DNER: variants seen among roughly 807,000 people sequenced by gnomAD.
DNER encodes delta and Notch-like epidermal growth factor-related receptor.
Under a neutral mutation model 78.2 loss-of-function variants are expected in DNER, and 33 were observed. That is an observed-to-expected ratio of 0.42 (90% CI 0.32 to 0.56). The LOEUF is 0.56. DNER is among the 20% of genes least tolerant of loss of function. The pLI, the probability that DNER is intolerant of heterozygous loss-of-function variation, is 0.11. For synonymous variants in DNER, 417 were observed against 384.8 expected (o/e 1.08, Z -0.98); for missense variants, 918 against 975.3 (o/e 0.94, Z 0.78).
chr2:229,684,600 G>C (rs991212889), intron 1 of DNER, among the ~76,000 whole-genome samples: 1 of 152,032 alleles, frequency 6.6e-6, no homozygotes, highest in South Asian at 2.1e-4. Flanking sequence ...ACCTCAAACT[G>C]AGCTCCTGTC....
chr2:229,406,099 C>T (rs137872394), intron 10 of DNER, among the ~76,000 whole-genome samples: 2 of 152,320 alleles, frequency 1.3e-5, no homozygotes, highest in East Asian at 1.9e-4. Flanking sequence ...TACACTTCGG[C>T]TTTTGTCACC....
chr2:229,384,905 T>C (rs1692828421), intron 11 of DNER, among the ~76,000 whole-genome samples: 1 of 152,048 alleles, frequency 6.6e-6, no homozygotes, highest in African/African-American at 2.4e-5. Flanking sequence ...TCCCAACTCA[T>C]TTCATGAGGC....
intron 4 of DNER, among the ~76,000 whole-genome samples, chr2:229,563,760 CTCACCCCATCTCCATCATCATCAACATCA>C (rs1697027029): frequency 5.3e-5 from 7 of 130,908 alleles, no homozygotes; most frequent in Non-Finnish European, 8.2e-5. Context: ...CATCATCCTC[CTCACCCCATCTCCATCATCATCAACATCA>C]TCACCCCATC....
intron 1 of DNER, among the ~76,000 whole-genome samples, chr2:229,635,379 A>AC (rs1200376812): frequency 4.0e-5 from 6 of 148,408 alleles, no homozygotes; most frequent in Admixed American, 6.7e-5. Context: ...AAAAAAAAAA[A>AC]AAAAAACTCC....
intron 1 of DNER, among the ~76,000 whole-genome samples, chr2:229,672,484 A>T (rs1699226498): frequency 6.6e-6 from 1 of 151,112 alleles, no homozygotes; most frequent in Non-Finnish European, 1.5e-5. Flanking sequence ...GGAGAGGGGA[A>T]AGGAGGGATG....
At position 229,367,011 on chromosome 2, in the gene DNER, A is replaced by C. The variant is rs776566467; in HGVS notation, c.1964T>G (p.Ile655Ser). ...GCGGCAAATCCCCACGATCAGGATG[A>C]TCAGCATAAGGATGAAGGCCACGCA... ...ALCVAFILML[I>S]ILIVGICRIS... is the part of the protein sequence containing the mutation. Residue 655 changes from isoleucine to serine, a missense_variant, in exon 12 of 13, where the codon ATC (isoleucine) becomes AGC (serine). Ile to Ser is a moderately radical substitution (Grantham distance 142, BLOSUM62 -2). Transcript: ENST00000341772. The C allele has an allele frequency of 6.2e-7, 1 of 1,614,122 alleles. No homozygotes were observed. Among genetic ancestry groups the C allele is most frequent in the Non-Finnish European group, 8.5e-7 (1 of 1,179,998 alleles).
At chr2:229,558,218 C>A (rs182691979) in intron 4 of DNER, among the ~76,000 whole-genome samples, 11 of 151,954 alleles carry the variant, frequency 7.2e-5, no homozygotes, top group African/African-American at 2.7e-4. Context: ...CACACACTGG[C>A]GCCTTTTGGA....
In DNER at chr2:229,453,920, TAAA is replaced by T. The variant is rs10602558; in HGVS notation, c.1262-6383_1262-6381del. Among the ~76,000 whole-genome samples the T allele has an allele frequency of 2.8e-4, 30 of 106,876 alleles. 1 individual carries two copies. The highest frequency in any genetic ancestry group is 7.3e-4 in the African/African-American group (22 of 30,166). 70.1% of individuals were successfully genotyped at this position (106,876 alleles called of 152,430 possible). The stretch of plus-strand genomic sequence containing the variant: ...GGGTTTGGTCAGGAATAAAATATAT[TAAA>T]AAAAAAAAAAAAAAAAAAAGAAAGA... On this transcript the variant is annotated intron_variant, in intron 7 of 12. Coordinates refer to ENST00000341772, the MANE Select transcript of DNER (RefSeq NM_139072.4).
intron 5 of DNER, among the ~76,000 whole-genome samples, chr2:229,522,799 A>G (rs1249127591): frequency 6.6e-6 from 1 of 152,216 alleles, no homozygotes; most frequent in African/African-American, 2.4e-5. Flanking sequence ...GACGGAACAG[A>G]GGACAAAGCT....
intron 8 of DNER, among the ~76,000 whole-genome samples, chr2:229,441,142 A>C (rs959919005): frequency 5.3e-5 from 8 of 152,054 alleles, no homozygotes; most frequent in Non-Finnish European, 1.2e-4. Flanking sequence ...CCTGCAGCAA[A>C]CTGGATCCAC....
In DNER at chr2:229,497,067, C is replaced by A. The variant is rs183198427; in HGVS notation, c.1147+15716G>T. Among the ~76,000 whole-genome samples the A allele has an allele frequency of 3.8e-3, 577 of 152,036 alleles. 1 individual carries two copies. The highest frequency in any genetic ancestry group is 5.9e-3 in the Non-Finnish European group (399 of 67,984). ...TATGTTAGGCCAGAAGACAAGTCTA[C>A]CAAATTTAAGAAGATTGAAATCACA... On this transcript the variant is annotated intron_variant, in intron 6 of 12. Transcript: ENST00000341772.
intron 1 of DNER, among the ~76,000 whole-genome samples, chr2:229,633,598 T>C (rs1413313541): frequency 1.3e-5 from 2 of 152,174 alleles, no homozygotes; most frequent in Non-Finnish European, 2.9e-5. Flanking sequence ...ATCCCAAGTA[T>C]GAAAGGTGAA....
intron 1 of DNER, among the ~76,000 whole-genome samples, chr2:229,712,562 A>G (rs1699927495): frequency 6.6e-6 from 1 of 152,242 alleles, no homozygotes; most frequent in African/African-American, 2.4e-5. Flanking sequence ...AGTTTGATGG[A>G]CACACTCAGA....
chr2:229,575,104 C>G (rs1277050216), intron 4 of DNER, among the ~76,000 whole-genome samples: 1 of 151,958 alleles, frequency 6.6e-6, no homozygotes, highest in African/African-American at 2.4e-5. Flanking sequence ...ATAAAAATAA[C>G]TTATTATGTA....
chr2:229,607,178 A>T (rs530660089), intron 1 of DNER, among the ~76,000 whole-genome samples: 42 of 152,324 alleles, frequency 2.8e-4, no homozygotes, highest in African/African-American at 9.6e-4. Flanking sequence ...CTTAAAGTAG[A>T]TCTAAAACTT....
chr2:229,402,160 A>C (rs1427260606), intron 10 of DNER, among the ~76,000 whole-genome samples: 2 of 152,186 alleles, frequency 1.3e-5, no homozygotes, highest in Non-Finnish European at 2.9e-5. Flanking sequence ...AAATTGATAA[A>C]TTAGACCAAT....
chr2:229,366,409 CCTT>C (rs1229652253), intron 12 of DNER, among the ~76,000 whole-genome samples: 1 of 152,180 alleles, frequency 6.6e-6, no homozygotes, highest in Admixed American at 6.5e-5. Context: ...CCTCTGGAGT[CCTT>C]CTTCCAGAAA....
intron 6 of DNER, 50 bp downstream of exon 6, chr2:229,512,733 A>G: frequency 6.3e-7 from 1 of 1,599,618 alleles, no homozygotes; most frequent in Non-Finnish European, 8.5e-7. Flanking sequence ...CAAGAGGTGC[A>G]TGCTGTACAG....
intron 3 of DNER, among the ~76,000 whole-genome samples, chr2:229,588,111 A>C (rs1199788634): frequency 6.6e-6 from 1 of 152,226 alleles, no homozygotes; most frequent in East Asian, 1.9e-4. Context: ...GAGACAAGGA[A>C]TCTGGCTGAG....
Sources: gnomAD v4.1 joint callset for allele counts (sites outside exome capture counted in the v4.1 genomes callset) on GRCh38, gnomAD v4.1.1 for gene constraint, MANE v1.5 for transcripts, NCBI Gene and HGNC (gene_info 2026-07-23, HGNC 2026-07-21) for gene names.